Variants in MLIP observed in about 807,000 individuals in gnomAD.
The protein encoded by MLIP is muscular LMNA interacting protein.
Under a neutral mutation model 84.8 loss-of-function variants are expected in MLIP, and 79 were observed. The ratio of observed to expected loss-of-function variants is 0.93; its 90% CI spans 0.78 to 1.12. The LOEUF is 1.12. MLIP is among the 50% of genes most tolerant of loss of function. The pLI, the probability that MLIP is intolerant of heterozygous loss-of-function variation, is 0.00. For synonymous variants in MLIP, 504 were observed against 463.0 expected, an observed-to-expected ratio of 1.09 and a Z score of -1.14; for missense variants, 1,257 against 1,160.6, an observed-to-expected ratio of 1.08 and a Z score of -1.21.
intron 11 of MLIP, chr6:54,217,269 A>G: frequency 1.0e-6 from 1 of 985,412 alleles, no homozygotes; most frequent in African/African-American, 1.7e-5. Flanking sequence ...AAAGGAAGTG[A>G]CTTTAAAATG....
chr6:54,182,564 G>A (rs1018059935), intron 9 of MLIP, among the ~76,000 whole-genome samples: 1 of 152,132 alleles, frequency 6.6e-6, no homozygotes, highest in Non-Finnish European at 1.5e-5. Context: ...CGGGAGGTAC[G>A]AACACTGTAA....
intron 12 of MLIP, among the ~76,000 whole-genome samples, chr6:54,233,945 C>A (rs1781187566): frequency 6.6e-6 from 1 of 152,066 alleles, no homozygotes; most frequent in Non-Finnish European, 1.5e-5. Context: ...CTGTAATGCC[C>A]AGTGATGATG....
At chr6:54,251,138 G>C (rs180864063) in intron 12 of MLIP, among the ~76,000 whole-genome samples, 44 of 151,898 alleles carry the variant, frequency 2.9e-4, no homozygotes, top group African/African-American at 1.0e-3. Flanking sequence ...AATTGATTAG[G>C]ACATTTTGAG....
rs189256335 is a variant in MLIP at position 54,191,160 on chromosome 6, C to A, written c.2589+1246C>A. 1.8e-3 allele frequency among the ~76,000 whole-genome samples: 272 copies of A among 152,198 alleles called. 1 individual carries two copies. The highest frequency in any genetic ancestry group is 6.2e-3 in the African/African-American group (256 of 41,528). ...TTGTAAATTCCTGAATAATAGATAT[C>A]TTCACTAAAATGATGGAAATTTCTA... On this transcript the variant is annotated intron_variant, in intron 10 of 13. Coordinates refer to ENST00000502396, the MANE Select transcript of MLIP (RefSeq NM_001281747.2).
rs1770729792 is a variant in MLIP, at chr6:54,124,459, T to C, written c.253-14T>C. On this transcript the variant is annotated splice_polypyrimidine_tract_variant and intron_variant, in intron 2 of 13. Transcript: ENST00000502396. Reference sequence around the variant, plus strand: ...ACTAATGTCAATGCTTTTATCTCTCTACATCTATTACAGTCTAAATCCAAT... The same window carrying C: ...ACTAATGTCAATGCTTTTATCTCTCCACATCTATTACAGTCTAAATCCAAT... 1 of 1,602,236 alleles carries C rather than the reference T, an allele frequency of 6.2e-7. No homozygotes were observed.
intron 12 of MLIP, among the ~76,000 whole-genome samples, chr6:54,244,427 T>A (rs1662179685): frequency 6.6e-6 from 1 of 152,200 alleles, no homozygotes; most frequent in African/African-American, 2.4e-5. Flanking sequence ...GATGCCAAAT[T>A]GTTTTCAAAA....
chr6:54,148,404 T>C (rs1773084382), intron 4 of MLIP, among the ~76,000 whole-genome samples: 1 of 152,196 alleles, frequency 6.6e-6, no homozygotes, highest in African/African-American at 2.4e-5. Context: ...ATTTTAACAT[T>C]TGCTTCATTA....
chr6:54,072,041 A>T (rs536125937), intron 1 of MLIP, among the ~76,000 whole-genome samples: 1 of 152,304 alleles, frequency 6.6e-6, no homozygotes, highest in South Asian at 2.1e-4. Context: ...CCTGATGTTT[A>T]CCAGAGCAAT....
chr6:54,088,258 G>A (rs75469713), intron 1 of MLIP, among the ~76,000 whole-genome samples: 1,978 of 152,248 alleles, frequency 0.013, 24 homozygotes, highest in African/African-American at 0.028. Flanking sequence ...TGGAGGTTCA[G>A]GGTAGGAAGA....
At position 54,124,721 on chromosome 6, in the gene MLIP, C is replaced by T. The variant is rs746829040; in HGVS notation, c.501C>T (p.Thr167=). Residue 167 remains threonine (T), a synonymous_variant, in exon 3 of 14, where the codon ACC becomes ACT. Coordinates refer to ENST00000502396, the MANE Select transcript of MLIP (RefSeq NM_001281747.2). ...AAGGCCCCCCAGGGGGGATTGGCAC[C>T]GCAGCTGTCCGGCCCAAGTCTCTAG... ...VEQGPPGGIG[T]AAVRPKSLAI... The T allele has an allele frequency of 7.4e-6, 12 of 1,614,182 alleles. No individual in the cohort carries two copies. The highest frequency in any genetic ancestry group is 4.4e-5 in the South Asian group (4 of 91,076).
chr6:54,207,474 T>C (rs1779117717), intron 11 of MLIP, among the ~76,000 whole-genome samples: 1 of 145,680 alleles, frequency 6.9e-6, no homozygotes. Flanking sequence ...TTTGGAAAAT[T>C]GTAACCTATG....
At chr6:54,083,343 A>G (rs893359856) in intron 1 of MLIP, 40 of 791,498 alleles carry the variant, frequency 5.1e-5, no homozygotes, top group Non-Finnish European at 1.5e-5. Flanking sequence ...AAGATAGGTT[A>G]ATATATTCAG....
intron 12 of MLIP, among the ~76,000 whole-genome samples, chr6:54,239,003 C>G: frequency 6.6e-6 from 1 of 152,066 alleles, no homozygotes; most frequent in East Asian, 1.9e-4. Context: ...ACTATGGATT[C>G]TCCCCTTTCT....
At chr6:54,070,471 T>C (rs542470195) in intron 1 of MLIP, among the ~76,000 whole-genome samples, 5 of 152,322 alleles carry the variant, frequency 3.3e-5, no homozygotes, top group African/African-American at 1.2e-4. Flanking sequence ...GCTAATGTAA[T>C]GTGCCTCTAG....
intron 4 of MLIP, among the ~76,000 whole-genome samples, chr6:54,138,551 A>G (rs1772030483): frequency 1.3e-5 from 2 of 152,138 alleles, no homozygotes; most frequent in African/African-American, 4.8e-5. Context: ...CTCCAAGGGT[A>G]TTATTTTTCC....
At chr6:54,231,992 A>C (rs1295351249) in intron 12 of MLIP, among the ~76,000 whole-genome samples, 1 of 152,178 alleles carries the variant, frequency 6.6e-6, no homozygotes, top group African/African-American at 2.4e-5. Context: ...TGATTAAACA[A>C]ATTTTAAAAT....
intron 3 of MLIP, among the ~76,000 whole-genome samples, chr6:54,133,136 G>T (rs1025239374): frequency 2.0e-5 from 3 of 152,162 alleles, no homozygotes; most frequent in African/African-American, 7.2e-5. Flanking sequence ...GATAGCAAGA[G>T]AGGGGCTTCG....
upstream of MLIP, among the ~76,000 whole-genome samples, chr6:54,110,822 A>T (rs1052380856): frequency 3.3e-5 from 5 of 152,354 alleles, no homozygotes; most frequent in African/African-American, 1.2e-4. Flanking sequence ...CAGGATTCTC[A>T]CTGTCTTCCA....
chr6:54,062,930 C>CAAT (rs1282778499), intron 1 of MLIP, among the ~76,000 whole-genome samples: 1 of 152,094 alleles, frequency 6.6e-6, no homozygotes, highest in African/African-American at 2.4e-5. Flanking sequence ...GGGCTGCATG[C>CAAT]AATGGCTCAT....
Sources: allele counts gnomAD v4.1 joint callset (sites outside exome capture counted in the v4.1 genomes callset), GRCh38; gene constraint gnomAD v4.1.1; transcripts MANE v1.5; gene names NCBI Gene and HGNC (gene_info 2026-07-23, HGNC 2026-07-21).